Variants in CFAP161 observed in about 807,000 individuals in gnomAD.
CFAP161 encodes cilia- and flagella-associated protein 161.
In CFAP161, 25 loss-of-function variants were observed where a neutral mutation model predicts 29.0. The ratio of observed to expected loss-of-function variants is 0.86; its 90% CI spans 0.63 to 1.20. CFAP161 has a LOEUF of 1.20. CFAP161 is among the 50% of genes most tolerant of loss of function. The probability of loss-of-function intolerance (pLI) is 0.00; values close to 1 mark genes in which losing one functional copy is unlikely to be tolerated. For missense variants in CFAP161, 367 were observed against 371.9 expected (o/e 0.99, Z 0.11); for synonymous variants, 116 against 137.4 (o/e 0.84, Z 1.09).
At chr15:81,125,748 A>ATATCCGTATCAGATG (rs1894632537) in intron 1 of CFAP161, among the ~76,000 whole-genome samples, 1 of 152,246 alleles carries the variant, frequency 6.6e-6, no homozygotes, top group African/African-American at 2.4e-5. Flanking sequence ...AACATGATAA[A>ATATCCGTATCAGATG]TGTACATATC....
intron 1 of CFAP161, among the ~76,000 whole-genome samples, chr15:81,105,092 C>CCCTCCCTT (rs1555448583): frequency 5.6e-5 from 3 of 53,452 alleles, no homozygotes; most frequent in Non-Finnish European, 1.1e-4. Flanking sequence ...CTTTTCTTTT[C>CCCTCCCTT]CCTCCCTCCC....
intron 1 of CFAP161, among the ~76,000 whole-genome samples, chr15:81,100,946 T>C (rs1353659411): frequency 6.6e-6 from 1 of 152,198 alleles, no homozygotes; most frequent in Non-Finnish European, 1.5e-5. Context: ...GTTAAGTCTG[T>C]GTTACTAGTT....
chr15:81,115,664 A>G (rs1894488439), intron 1 of CFAP161, among the ~76,000 whole-genome samples: 1 of 152,114 alleles, frequency 6.6e-6, no homozygotes, highest in South Asian at 2.1e-4. Flanking sequence ...AATGGGTTTC[A>G]GCTAGAACCT....
chr15:81,120,028 G>A (rs1894551771), intron 1 of CFAP161, among the ~76,000 whole-genome samples: 1 of 152,068 alleles, frequency 6.6e-6, no homozygotes, highest in African/African-American at 2.4e-5. Flanking sequence ...CCTCTTTAAA[G>A]CCCAGTTTTC....
At chr15:81,133,176 CATATATATATATATATATATATATATAT>C (rs141326043), upstream of CFAP161, among the ~76,000 whole-genome samples, 1,184 of 60,990 alleles carry the variant, frequency 0.019, 63 homozygotes, top group Non-Finnish European at 0.025. Flanking sequence ...CCTTCATCAG[CATATATATATATATATATATATATATAT>C]ATATATATAT....
At chr15:81,135,208 TA>T in intron 1 of CFAP161, 61 bp from the exon 2 acceptor site, 1 of 1,219,712 alleles carries the variant, frequency 8.2e-7, no homozygotes, top group Non-Finnish European at 1.1e-6. Context: ...GCTTCTGACC[TA>T]AAAGTTATTA....
At chr15:81,139,366 C>T (rs896108860) in intron 4 of CFAP161, among the ~76,000 whole-genome samples, 1 of 151,934 alleles carries the variant, frequency 6.6e-6, no homozygotes, top group African/African-American at 2.4e-5. Flanking sequence ...TTTGACACCC[C>T]ACAGATGGTA....
intron 1 of CFAP161, chr15:81,118,133 G>C: frequency 1.9e-6 from 1 of 522,254 alleles, no homozygotes; most frequent in Non-Finnish European, 3.5e-6. Context: ...GTGAGATTTG[G>C]AAGTTTTTCT....
chr15:81,129,434 T>A (rs1238370398), upstream of CFAP161, among the ~76,000 whole-genome samples: 9 of 152,152 alleles, frequency 5.9e-5, no homozygotes, highest in Non-Finnish European at 1.3e-4. Context: ...ACATCTCACA[T>A]GGTGGCAGAC....
upstream of CFAP161, among the ~76,000 whole-genome samples, chr15:81,130,681 C>T (rs140794006): frequency 1.3e-3 from 203 of 152,304 alleles, 3 homozygotes; most frequent in East Asian, 0.033. Flanking sequence ...GCCTGGGCAA[C>T]AGAGCGAGAC....
At chr15:81,101,972 A>G (rs1051909438) in intron 1 of CFAP161, among the ~76,000 whole-genome samples, 3 of 152,154 alleles carry the variant, frequency 2.0e-5, no homozygotes, top group Non-Finnish European at 2.9e-5. Context: ...TTCCAGGACA[A>G]AAGGTGTAGC....
chr15:81,146,209 G>C (rs1358230056), intron 5 of CFAP161, among the ~76,000 whole-genome samples: 3 of 152,178 alleles, frequency 2.0e-5, no homozygotes, highest in Non-Finnish European at 2.9e-5. Context: ...AAGCCTACTT[G>C]TCAGTGCCAG....
At chr15:81,135,402 A>G (rs1894793084) in intron 2 of CFAP161, 43 bp downstream of exon 2, 1 of 1,368,654 alleles carries the variant, frequency 7.3e-7, no homozygotes, top group Non-Finnish European at 1.0e-6. Flanking sequence ...TTTAGGGTAC[A>G]TGTGCACAAC....
At chr15:81,117,746 C>A in intron 1 of CFAP161, 1 of 303,460 alleles carries the variant, frequency 3.3e-6, no homozygotes. Context: ...TTATCAAGTC[C>A]AAATTCTTCT....
At chr15:81,132,883 T>C (rs1364397536), upstream of CFAP161, among the ~76,000 whole-genome samples, 4 of 152,140 alleles carry the variant, frequency 2.6e-5, no homozygotes, top group Admixed American at 2.6e-4. Context: ...TCTTTGAGTC[T>C]CAGTTTCTGA....
chr15:81,116,442 C>T (rs1372286637), intron 1 of CFAP161, among the ~76,000 whole-genome samples: 3 of 152,156 alleles, frequency 2.0e-5, no homozygotes, highest in African/African-American at 4.8e-5. Flanking sequence ...TACAGGCGCA[C>T]GCCATAACGC....
upstream of CFAP161, among the ~76,000 whole-genome samples, chr15:81,133,971 G>T (rs1462186372): frequency 1.3e-5 from 2 of 152,110 alleles, no homozygotes; most frequent in Non-Finnish European, 2.9e-5. Flanking sequence ...CCATTTAAAA[G>T]CTCCTCTTTG....
intron 1 of CFAP161, among the ~76,000 whole-genome samples, chr15:81,106,464 C>T (rs542964208): frequency 6.6e-6 from 1 of 152,266 alleles, no homozygotes; most frequent in Admixed American, 6.5e-5. Context: ...GCCACCGTGC[C>T]CGGCTGGCTT....
Position 81,137,907 on chromosome 15 carries a change from A to G in CFAP161, c.393-144A>G, listed in dbSNP as rs1894839236. 3 of 611,802 alleles carry G rather than the reference A, an allele frequency of 4.9e-6. No homozygotes were observed. In the East Asian group the frequency reaches 8.9e-5, roughly 18 times the overall value. The allele number at this position is 611,802 out of a possible 1,614,324, so 37.9% of individuals were successfully genotyped here. A position where few individuals can be genotyped will look rare whatever the true frequency, so the allele number is the denominator to read the frequency against. ...GACCAAAAGAAAACACCTTTTATTT[A>G]ATTACCTAATTCAGTTACAGTATGT... is the stretch of plus-strand genomic sequence containing the variant. On this transcript the variant is annotated intron_variant, in intron 3 of 6. Transcript: ENST00000286732.
Sources: gnomAD v4.1 joint callset for allele counts (sites outside exome capture counted in the v4.1 genomes callset) on GRCh38, gnomAD v4.1.1 for gene constraint, MANE v1.5 for transcripts, NCBI Gene and HGNC (gene_info 2026-07-23, HGNC 2026-07-21) for gene names.